SCARF2: variants seen among roughly 807,000 people sequenced by gnomAD.
SCARF2 encodes scavenger receptor expressed by endothelial cells 2 protein.
In SCARF2, 39 loss-of-function variants were observed where a neutral mutation model predicts 73.4. The ratio of observed to expected loss-of-function variants is 0.53; its 90% CI spans 0.41 to 0.69. The LOEUF (loss-of-function observed/expected upper bound fraction) is 0.69. SCARF2 is among the 30% of genes least tolerant of loss of function. The pLI is 0.00. For synonymous variants in SCARF2, 605 were observed against 590.0 expected, an observed-to-expected ratio of 1.03 and a Z score of -0.37; for missense variants, 1,148 against 1,303.5, an observed-to-expected ratio of 0.88 and a Z score of 1.84.
At chr22:20,431,895 TC>T in intron 2 of SCARF2, 34 bp downstream of exon 2, 3 of 500,886 alleles carry the variant, frequency 6.0e-6, no homozygotes, top group Non-Finnish European at 5.7e-6. Context: ...CCCCGCCCCC[TC>T]CCCCGCCCCA....
rs1431130946 is a variant in SCARF2, at chr22:20,427,503, G to A, written c.1588C>T (p.Pro530Ser). 6.2e-7 allele frequency: 1 copy of A among 1,613,976 alleles called. No homozygotes were observed. Among genetic ancestry groups the A allele is most frequent in the East Asian group, 2.2e-5 (1 of 44,890 alleles). Residue 530 changes from proline to serine, a missense_variant, in exon 10 of 11, where the codon CCA becomes TCA. Physicochemically the swap from Pro to Ser is moderately conservative, Grantham distance 74. Coordinates refer to ENST00000622235, the MANE Select transcript of SCARF2 (RefSeq NM_182895.5). ...GAGGGCTGCTCCAGCCCTGAGGGTG[G>A]CTCCAGGAAGCTGCAGTTGAGTGTG... ...DNTLNCSFLE[P>S]PSGLEQPSPS... is the part of the protein sequence containing the mutation.
chr22:20,426,571 C>T (rs1214680310), intron 10 of SCARF2, among the ~76,000 whole-genome samples: 1 of 152,268 alleles, frequency 6.6e-6, no homozygotes, highest in Non-Finnish European at 1.5e-5. Context: ...CCCCTCCAGC[C>T]TTGGGCGCCT....
chr22:20,430,289 T>G (rs1280043178), intron 6 of SCARF2, 140 bp downstream of exon 6: 19 of 1,068,380 alleles, frequency 1.8e-5, no homozygotes, highest in Non-Finnish European at 2.5e-5. Flanking sequence ...CCAAAGAGCC[T>G]ACTGTCACTC....
In SCARF2 at chr22:20,429,922, TC is replaced by T; in HGVS notation, c.1203-90del. On this transcript the variant is annotated intron_variant, in intron 6 of 10. Transcript: ENST00000622235. The surrounding 1 kb of genome is among the most constrained non-coding windows in gnomAD (Gnocchi z 5.2). ...CCTCACCCGCGGCCAGGGCCCAGGGTCCAGGGTCCCAGAACCGGGCTCTCTC... is the reference window on the plus strand; with the variant it reads ...CCTCACCCGCGGCCAGGGCCCAGGGTCAGGGTCCCAGAACCGGGCTCTCTC... 1 of 1,335,944 alleles carries T rather than the reference TC, an allele frequency of 7.5e-7. No individual in the cohort carries two copies. Among genetic ancestry groups the T allele is most frequent in the Non-Finnish European group, 1.0e-6 (1 of 963,664 alleles). The allele number at this position is 1,335,944 out of a possible 1,614,324, so 82.8% of individuals were successfully genotyped here.
Position 20,431,032 on chromosome 22 carries a change from C to G in SCARF2, c.840G>C (p.Leu280Phe), listed in dbSNP as rs766517005. Residue 280 changes from leucine to phenylalanine, a missense_variant, in exon 4 of 11, where the codon TTG becomes TTC. Coordinates refer to ENST00000622235, the MANE Select transcript of SCARF2 (RefSeq NM_182895.5). ...ACCGCGCTTACCGGCGGCGACAGCC[C>G]AAGCCGTAGAAGCCGGCGGGGCACG... ...REPCPAGFYGLGCRRRCGQCK... is the reference protein window; with the variant it reads ...REPCPAGFYGFGCRRRCGQCK... The G allele has an allele frequency of 6.4e-7, 1 of 1,560,722 alleles. No individual in the cohort carries two copies. Among genetic ancestry groups the G allele is most frequent in the Admixed American group, 1.8e-5 (1 of 54,222 alleles).
intron 1 of SCARF2, among the ~76,000 whole-genome samples, chr22:20,433,831 A>C (rs1569111665): frequency 1.3e-5 from 2 of 152,324 alleles, no homozygotes; most frequent in East Asian, 3.9e-4. Context: ...TCTGCTGGCC[A>C]TCACCCACCC....
chr22:20,429,419 A>T lies in SCARF2; in HGVS notation c.1425-79T>A. ...GATTAGATCTCGGCCGGAGCCAAGC[A>T]CAGAAGGGGCGGGGCCACGTCCGGG... On this transcript the variant is annotated intron_variant, in intron 8 of 10. Transcript: ENST00000622235. This position sits in a 1 kb window ranked among gnomAD's most constrained non-coding sequence, Gnocchi z 5.2. The T allele has an allele frequency of 6.4e-7, 1 of 1,557,120 alleles. No homozygotes were observed. Among genetic ancestry groups the T allele is most frequent in the Non-Finnish European group, 8.7e-7 (1 of 1,152,448 alleles).
Position 20,430,515 on chromosome 22 carries a change from G to A in SCARF2, c.1116C>T (p.Cys372=). The change falls in exon 6 of 11, where the codon TGC becomes TGT. Residue 372 remains cysteine (C), a synonymous_variant. Coordinates refer to ENST00000622235, the MANE Select transcript of SCARF2 (RefSeq NM_182895.5). ...KCSNGTYGED[C]AFVCADCGSG... ...TGCCGCAGTCGGCGCACACGAAGGC[G>A]CAGTCCTCGCCGTAAGTGCCATTGC... 1.9e-6 allele frequency: 3 copies of A among 1,606,436 alleles called. No individual in the cohort carries two copies. The highest frequency in any genetic ancestry group is 1.7e-5 in the Admixed American group (1 of 59,128).
chr22:20,430,602 G>T (rs772805988), intron 5 of SCARF2, 45 bp from the exon 6 acceptor site: 1 of 1,611,142 alleles, frequency 6.2e-7, no homozygotes, highest in Non-Finnish European at 8.5e-7. Flanking sequence ...GAGGCAAACG[G>T]ACCACAGCGC....
At chr22:20,426,343 C>G (rs977604469) in intron 10 of SCARF2, 61 bp from the exon 11 acceptor site, 2 of 1,514,318 alleles carry the variant, frequency 1.3e-6, no homozygotes. Flanking sequence ...GCTCCAACCT[C>G]CAGGCGCAAA....
Position 20,425,582 on chromosome 22 carries a change from C to A in SCARF2, c.2394G>T (p.Ala798=). The change falls in exon 11 of 11, where the codon GCG becomes GCT. Residue 798 remains alanine (A), a synonymous_variant. Coordinates refer to ENST00000622235, the MANE Select transcript of SCARF2 (RefSeq NM_182895.5). The surrounding 1 kb of genome is among the most constrained non-coding windows in gnomAD (Gnocchi z 4.6). Reference sequence around the variant, plus strand: ...CGGAGCGCTTGGCTTTCTGTGGGGGCGCCGGCTTTTCCCTGGGGCCCTGCG... The same window carrying A: ...CGGAGCGCTTGGCTTTCTGTGGGGGAGCCGGCTTTTCCCTGGGGCCCTGCG... ...LGAQGPREKP[A]PPQKAKRSVP... The A allele has an allele frequency of 7.5e-7, 1 of 1,341,924 alleles. No individual in the cohort carries two copies. The highest frequency in any genetic ancestry group is 4.0e-5 in the Admixed American group (1 of 25,258). 83.1% of individuals were successfully genotyped at this position (1,341,924 alleles called of 1,614,324 possible).
Position 20,437,614 on chromosome 22 carries a change from G to T in SCARF2, c.141C>A (p.Asn47Lys), listed in dbSNP as rs1024120828. 3.2e-6 allele frequency: 5 copies of T among 1,571,128 alleles called. No homozygotes were observed. Among genetic ancestry groups the T allele is most frequent in the Non-Finnish European group, 3.4e-6 (4 of 1,165,818 alleles). The change falls in exon 1 of 11, where the codon AAC becomes AAA. Residue 47 changes from asparagine (N) to lysine (K), a missense_variant. Asn to Lys is a moderately conservative substitution (Grantham distance 94). Transcript: ENST00000622235. ...CACGGCACACGTTGCGGCCGCGAGGGTTCAGTTCCTGAGGCGCCACGGTGT... is the reference window on the plus strand; with the variant it reads ...CACGGCACACGTTGCGGCCGCGAGGTTTCAGTTCCTGAGGCGCCACGGTGT... ...LPDTVAPQEL[N>K]PRGRNVCRAP...
At position 20,425,177 on chromosome 22, in the gene SCARF2, G is replaced by A. The variant is rs2052557098; in HGVS notation, c.*198C>T. ...AAGCGCCTGTCAGGCCTCGACCAAC[G>A]GGATGGGCCCTTCCCGCCAGAGCAC... On this transcript the variant is annotated 3_prime_UTR_variant, in exon 11 of 11. Transcript: ENST00000622235. The surrounding 1 kb of genome is among the most constrained non-coding windows in gnomAD (Gnocchi z 4.6). The A allele has an allele frequency of 4.6e-6, 2 of 430,270 alleles. No homozygotes were observed. Among genetic ancestry groups the A allele is most frequent in the African/African-American group, 2.0e-5 (1 of 48,946 alleles). 26.7% of individuals were successfully genotyped at this position (430,270 alleles called of 1,614,324 possible). A position where few individuals can be genotyped will look rare whatever the true frequency, so the allele number is the denominator to read the frequency against.
intron 1 of SCARF2, 45 bp downstream of exon 1, chr22:20,437,537 C>T (rs1301000489): frequency 1.3e-6 from 2 of 1,544,284 alleles, no homozygotes; most frequent in East Asian, 2.4e-5. Context: ...CACCACTGCC[C>T]AGAGCGTCCC....
At chr22:20,431,882 T>TGGGGGG in intron 2 of SCARF2, 36 bp from the exon 3 acceptor site, 1 of 1,596,586 alleles carries the variant, frequency 6.3e-7, no homozygotes, top group Non-Finnish European at 8.5e-7. Flanking sequence ...CTGCGCGTCC[T>TGGGGGG]AGCCCCGCCC....
In SCARF2 at chr22:20,425,741, G is replaced by A; in HGVS notation, c.2235C>T (p.Gly745=). Residue 745 remains glycine (G), a synonymous_variant, in exon 11 of 11, where the codon GGC becomes GGT. Coordinates refer to ENST00000622235, the MANE Select transcript of SCARF2 (RefSeq NM_182895.5). This position sits in a 1 kb window ranked among gnomAD's most constrained non-coding sequence, Gnocchi z 4.6. The part of the protein sequence containing the change: ...APSPPRARAR[G]RGPGLLEPTD... ...TGGGCTCCAAGAGGCCGGGGCCGCG[G>A]CCCCGCGCTCGGGCCCTGGGCGGCG... 1.6e-6 allele frequency: 2 copies of A among 1,234,058 alleles called. No homozygotes were observed. Among genetic ancestry groups the A allele is most frequent in the Non-Finnish European group, 2.0e-6 (2 of 992,516 alleles). 76.4% of individuals were successfully genotyped at this position (1,234,058 alleles called of 1,614,324 possible). A position where few individuals can be genotyped will look rare whatever the true frequency, so the allele number is the denominator to read the frequency against.
Position 20,429,696 on chromosome 22 carries a change from G to A in SCARF2, c.1306+34C>T. 5.6e-6 allele frequency: 9 copies of A among 1,614,002 alleles called. No homozygotes were observed. The highest frequency in any genetic ancestry group is 7.6e-6 in the Non-Finnish European group (9 of 1,179,938). ...GTCAGCGCGGTTTCTGGCACCCCCT[G>A]CATTCCTTAACGGGACGCCCCTCAT... On this transcript the variant is annotated intron_variant, in intron 7 of 10. Transcript: ENST00000622235. The surrounding 1 kb of genome is among the most constrained non-coding windows in gnomAD (Gnocchi z 5.2).
At position 20,426,098 on chromosome 22, in the gene SCARF2, C is replaced by A; in HGVS notation, c.1878G>T (p.Val626=). Reference sequence around the variant, plus strand: ...GGGCCGGCCGGGCCTCGCGTCGGGCCACGCGCGCGTACAGAGCCCCTCCGG... The same window carrying A: ...GGGCCGGCCGGGCCTCGCGTCGGGCAACGCGCGCGTACAGAGCCCCTCCGG... ...EGPGGALYAR[V]ARREARPARA... Residue 626 remains valine, a synonymous_variant, in exon 11 of 11, where the codon GTG becomes GTT. Transcript: ENST00000622235. 6.7e-7 allele frequency: 1 copy of A among 1,496,364 alleles called. No individual in the cohort carries two copies. Among genetic ancestry groups the A allele is most frequent in the Admixed American group, 2.3e-5 (1 of 44,404 alleles). 92.7% of individuals were successfully genotyped at this position (1,496,364 alleles called of 1,614,324 possible). A position where few individuals can be genotyped will look rare whatever the true frequency, so the allele number is the denominator to read the frequency against.
intron 10 of SCARF2, 95 bp downstream of exon 10, chr22:20,427,303 C>G: frequency 6.8e-7 from 1 of 1,476,070 alleles, no homozygotes; most frequent in Non-Finnish European, 9.3e-7. Context: ...CCTCTCCATG[C>G]TGCCTGCCCT....
Sources: gnomAD v4.1 joint callset for allele counts (sites outside exome capture counted in the v4.1 genomes callset) on GRCh38, gnomAD v4.1.1 for gene constraint, Gnocchi (gnomAD v3.1) non-coding constraint, MANE v1.5 for transcripts, NCBI Gene and HGNC (gene_info 2026-07-23, HGNC 2026-07-21) for gene names.